Variants in ARL17B observed in about 807,000 individuals in gnomAD.
The protein encoded by ARL17B is ARF like GTPase 17B.
chr17:46,290,685 G>T (rs1177533913), intron 4 of ARL17B, among the ~76,000 whole-genome samples: 1 of 152,220 alleles, frequency 6.6e-6, no homozygotes, highest in East Asian at 1.9e-4. Flanking sequence ...GACCTCAAGT[G>T]ATCGTTTCAC....
At chr17:46,289,559 C>T (rs1252592115) in intron 4 of ARL17B, among the ~76,000 whole-genome samples, 3 of 152,106 alleles carry the variant, frequency 2.0e-5, no homozygotes, top group Admixed American at 6.5e-5. Context: ...AGGCTGGTCT[C>T]GAACTCCTGA....
intron 3 of ARL17B, among the ~76,000 whole-genome samples, chr17:46,316,613 GTTTTT>G (rs71273094): frequency 1.5e-5 from 1 of 68,318 alleles, no homozygotes; most frequent in African/African-American, 3.6e-5. Flanking sequence ...TTTTGTTTTT[GTTTTT>G]TTTAATTTTT....
At chr17:46,281,549 C>T (rs915345654) in intron 4 of ARL17B, among the ~76,000 whole-genome samples, 3 of 152,198 alleles carry the variant, frequency 2.0e-5, no homozygotes, top group African/African-American at 7.2e-5. Context: ...CCTGTCATAG[C>T]CTCCTGAGTA....
At chr17:46,333,002 T>G (rs2137113), downstream of ARL17B, among the ~76,000 whole-genome samples, 91,743 of 141,746 alleles carry the variant, frequency 0.65, 31,923 homozygotes, top group Middle Eastern at 0.85. Context: ...TATTTCCTTG[T>G]TGCTGAAATG....
At chr17:46,332,829 A>G (rs879232018), downstream of ARL17B, 8 of 393,974 alleles carry the variant, frequency 2.0e-5, no homozygotes, top group Admixed American at 3.7e-5. Context: ...TGTATATTTC[A>G]GGATTTTTAA....
intron 3 of ARL17B, among the ~76,000 whole-genome samples, chr17:46,350,835 G>A (rs1476645311): frequency 4.5e-5 from 2 of 44,462 alleles, no homozygotes; most frequent in East Asian, 3.2e-4. Context: ...GCCACTGCAC[G>A]AGACCCTGTC....
At chr17:46,304,931 C>T (rs1168236079) in intron 3 of ARL17B, among the ~76,000 whole-genome samples, 4 of 67,612 alleles carry the variant, frequency 5.9e-5, no homozygotes, top group East Asian at 2.8e-4. Flanking sequence ...TGCAGTGGTG[C>T]GATCTCGGCT....
chr17:46,288,458 G>A (rs2458220), intron 4 of ARL17B, among the ~76,000 whole-genome samples: 9,011 of 134,418 alleles, frequency 0.067, no homozygotes, highest in Non-Finnish European at 0.11. Flanking sequence ...ACAGGTGTGT[G>A]CCACCACATC....
intron 4 of ARL17B, among the ~76,000 whole-genome samples, chr17:46,289,142 G>A (rs1412349772): frequency 2.6e-5 from 4 of 152,084 alleles, no homozygotes; most frequent in African/African-American, 7.2e-5. Context: ...TGGCATCCAC[G>A]AACAAATTTG....
Position 46,327,079 on chromosome 17 carries a change from T to C in ARL17B, c.259+25741A>G, listed in dbSNP as rs166651. 4.6e-4 allele frequency among the ~76,000 whole-genome samples: 40 copies of C among 86,626 alleles called. 5 individuals carry two copies. Among genetic ancestry groups the C allele is most frequent in the Admixed American group, 1.5e-3 (13 of 8,634 alleles). 56.8% of individuals were successfully genotyped at this position (86,626 alleles called of 152,430 possible). A position where few individuals can be genotyped will look rare whatever the true frequency, so the allele number is the denominator to read the frequency against. On this transcript the variant is annotated intron_variant, in intron 3 of 4. Transcript: ENST00000434041. ...CTACTTTCTTTGATCTTCCATGACA[T>C]TGGCATTTTTTAAGAGTCAAAGATA...
downstream of ARL17B, chr17:46,334,863 A>G (rs1274551871): frequency 1.4e-5 from 2 of 137,938 alleles, no homozygotes; most frequent in Non-Finnish European, 3.2e-5. Flanking sequence ...AAAAAAAACC[A>G]ATAAAAATAC....
chr17:46,275,254 C>T, exon 5 of ARL17B: 1 of 481,294 alleles, frequency 2.1e-6, no homozygotes, highest in Non-Finnish European at 3.4e-6. Flanking sequence ...CTGTTATGAC[C>T]AATAAAAACA....
At chr17:46,284,001 A>G (rs1228029456) in intron 4 of ARL17B, among the ~76,000 whole-genome samples, 3 of 152,282 alleles carry the variant, frequency 2.0e-5, no homozygotes, top group African/African-American at 7.2e-5. Flanking sequence ...TCCAGCCCTA[A>G]GGCGGTTTTT....
intron 4 of ARL17B, among the ~76,000 whole-genome samples, chr17:46,285,510 G>T (rs2049883707): frequency 6.6e-6 from 1 of 152,026 alleles, no homozygotes; most frequent in African/African-American, 2.4e-5. Context: ...CAAAGTGCTG[G>T]GATTACAGGT....
chr17:46,285,696 G>C (rs1371170918), intron 4 of ARL17B, among the ~76,000 whole-genome samples: 5 of 152,220 alleles, frequency 3.3e-5, no homozygotes, highest in Non-Finnish European at 5.9e-5. Context: ...GGTGGTGTGG[G>C]GATATGGTAA....
chr17:46,291,479 G>A (rs1334485237), intron 4 of ARL17B, among the ~76,000 whole-genome samples: 2 of 151,466 alleles, frequency 1.3e-5, no homozygotes, highest in African/African-American at 4.9e-5. Flanking sequence ...CTAACATGCT[G>A]TGTGTGAGGC....
intron 4 of ARL17B, among the ~76,000 whole-genome samples, chr17:46,286,690 T>C (rs2732615): frequency 0.12 from 18,413 of 152,162 alleles, no homozygotes; most frequent in Non-Finnish European, 0.18. Context: ...TGTAAGTGTA[T>C]AACAAATGTA....
chr17:46,289,769 C>G (rs1390165322), intron 4 of ARL17B, among the ~76,000 whole-genome samples: 2 of 152,190 alleles, frequency 1.3e-5, no homozygotes, highest in African/African-American at 4.8e-5. Context: ...CCCACGTTTC[C>G]TTTAAAGAGT....
intron 4 of ARL17B, among the ~76,000 whole-genome samples, chr17:46,285,060 G>A (rs1437929837): frequency 6.6e-6 from 1 of 151,884 alleles, no homozygotes; most frequent in Non-Finnish European, 1.5e-5. Flanking sequence ...GTAGAGATGG[G>A]GTCTCACTTT....
Sources: allele counts gnomAD v4.1 joint callset (sites outside exome capture counted in the v4.1 genomes callset), GRCh38; gene constraint gnomAD v4.1.1; transcripts MANE v1.5; gene names NCBI Gene and HGNC (gene_info 2026-07-23, HGNC 2026-07-21).